Variants in ACYP1 observed in about 807,000 individuals in gnomAD.
ACYP1 encodes acylphosphatase 1, also known as acylphosphatase-1.
In ACYP1, 8 loss-of-function variants were observed where a neutral mutation model predicts 10.4. That is an observed-to-expected ratio of 0.77 (90% CI 0.45 to 1.38). The LOEUF (loss-of-function observed/expected upper bound fraction) is 1.38. Among genes scored for constraint, ACYP1 ranks in the 40% most tolerant of loss-of-function variants. ACYP1 has a pLI of 0.00. For missense variants in ACYP1, 93 were observed against 117.3 expected, an observed-to-expected ratio of 0.79 and a Z score of 0.96; for synonymous variants, 38 against 40.8, an observed-to-expected ratio of 0.93 and a Z score of 0.26.
chr14:75,057,129 C>G (rs947548172), intron 2 of ACYP1, among the ~76,000 whole-genome samples: 1 of 151,548 alleles, frequency 6.6e-6, no homozygotes, highest in Non-Finnish European at 1.5e-5. Context: ...CAGGCACACA[C>G]TAGAGCTAAT....
intron 2 of ACYP1, chr14:75,061,757 C>A: frequency 6.3e-7 from 1 of 1,579,118 alleles, no homozygotes; most frequent in South Asian, 1.1e-5. Context: ...TTTCAACAGT[C>A]ATTTCCTATT....
At position 75,053,318 on chromosome 14, in the gene ACYP1, C is replaced by T; in HGVS notation, c.*126G>A. 1.2e-6 allele frequency: 1 copy of T among 824,182 alleles called. No homozygotes were observed. The highest frequency in any genetic ancestry group is 1.7e-5 in the South Asian group (1 of 60,378). The allele number at this position is 824,182 out of a possible 1,614,324, so 51.1% of individuals were successfully genotyped here. A position where few individuals can be genotyped will look rare whatever the true frequency, so the allele number is the denominator to read the frequency against. ...CCATCATACAGGTAATATATAATAA[C>T]ATTCAAAAATCTGACATTAAAATAA... On this transcript the variant is annotated 3_prime_UTR_variant, in exon 3 of 3. Transcript: ENST00000238618.
chr14:75,064,731 C>A (rs562271950), upstream of ACYP1, among the ~76,000 whole-genome samples: 1 of 152,178 alleles, frequency 6.6e-6, no homozygotes, highest in Non-Finnish European at 1.5e-5. Context: ...GAGACTCTGA[C>A]TCAAATAAAT....
chr14:75,057,402 A>ATTGT (rs1343252965), intron 2 of ACYP1, among the ~76,000 whole-genome samples: 1 of 151,552 alleles, frequency 6.6e-6, no homozygotes, highest in Admixed American at 6.6e-5. Context: ...AATACTTAAC[A>ATTGT]TTGTTAAGAT....
At chr14:75,062,659 C>CAAAAAAAAAA (rs534860020) in intron 2 of ACYP1, among the ~76,000 whole-genome samples, 206 of 103,154 alleles carry the variant, frequency 2.0e-3, no homozygotes, top group East Asian at 9.4e-3. Flanking sequence ...ACTAAAAATA[C>CAAAAAAAAAA]AAAAAAAAAA....
At chr14:75,063,666 C>A in intron 1 of ACYP1, 105 bp from the exon 2 acceptor site, 2 of 894,700 alleles carry the variant, frequency 2.2e-6, no homozygotes. Flanking sequence ...TTAACCATTG[C>A]GACCTCTCCC....
chr14:75,064,408 C>A (rs1893107971), upstream of ACYP1: 1 of 152,276 alleles, frequency 6.6e-6, no homozygotes, highest in South Asian at 2.1e-4. Context: ...AAACAGGATC[C>A]CTGTCCTGAG....
intron 2 of ACYP1, among the ~76,000 whole-genome samples, chr14:75,058,389 C>T (rs1892936497): frequency 6.6e-6 from 1 of 151,272 alleles, no homozygotes; most frequent in Non-Finnish European, 1.5e-5. Context: ...GCAGAGGTTG[C>T]AGTGAGCCGA....
At chr14:75,060,196 T>G (rs918469689) in intron 2 of ACYP1, 2 of 648,050 alleles carry the variant, frequency 3.1e-6, no homozygotes, top group Non-Finnish European at 5.5e-6. Context: ...ATTTTTTTAA[T>G]GTGGTTTAGT....
upstream of ACYP1, among the ~76,000 whole-genome samples, chr14:75,066,238 T>C (rs7156328): frequency 0.43 from 65,696 of 152,010 alleles, 15,947 homozygotes; most frequent in East Asian, 0.84. Context: ...AAGAAGAAGC[T>C]ACTGGGGAGG....
At chr14:75,065,152 A>T (rs1442683006), upstream of ACYP1, among the ~76,000 whole-genome samples, 1 of 152,242 alleles carries the variant, frequency 6.6e-6, no homozygotes, top group Non-Finnish European at 1.5e-5. Flanking sequence ...GTTGATGTGT[A>T]AACATTTGAA....
chr14:75,067,065 AT>A (rs1893153756), upstream of ACYP1, among the ~76,000 whole-genome samples: 1 of 152,140 alleles, frequency 6.6e-6, no homozygotes, highest in African/African-American at 2.4e-5. Context: ...CAGTCCTGAA[AT>A]TTGAGTCTGT....
At chr14:75,054,797 A>G (rs1388114847) in intron 2 of ACYP1, among the ~76,000 whole-genome samples, 1 of 151,582 alleles carries the variant, frequency 6.6e-6, no homozygotes, top group Non-Finnish European at 1.5e-5. Flanking sequence ...TAAGGAATGA[A>G]GAAAAATAGA....
At chr14:75,058,838 T>G (rs1892947848) in intron 2 of ACYP1, among the ~76,000 whole-genome samples, 1 of 152,172 alleles carries the variant, frequency 6.6e-6, no homozygotes, top group South Asian at 2.1e-4. Flanking sequence ...CTACCTCACA[T>G]CACATAAAAA....
At position 75,053,487 on chromosome 14, in the gene ACYP1, A is replaced by C; in HGVS notation, c.257T>G (p.Val86Gly). 6.2e-7 allele frequency: 1 copy of C among 1,614,216 alleles called. No homozygotes were observed. The highest frequency in any genetic ancestry group is 8.5e-7 in the Non-Finnish European group (1 of 1,180,038). Residue 86 changes from valine to glycine, a missense_variant, in exon 3 of 3, where the codon GTC becomes GGC. By Grantham distance (109) the Val-to-Gly change is moderately radical. Coordinates refer to ENST00000238618, the MANE Select transcript of ACYP1 (RefSeq NM_001107.5). ...GTCTGAGTAATCCAACTTCAAGATG[A>C]CTTTTTCATTGTTGAAGTTTGCTTT... ...IDKANFNNEK[V>G]ILKLDYSDFQ...
At chr14:75,060,285 A>G (rs1892985014) in intron 2 of ACYP1, 2 of 688,126 alleles carry the variant, frequency 2.9e-6, no homozygotes, top group African/African-American at 1.8e-5. Context: ...AAACAACCAC[A>G]ATGAAATATT....
upstream of ACYP1, among the ~76,000 whole-genome samples, chr14:75,064,866 G>C (rs1594797625): frequency 6.6e-6 from 1 of 152,144 alleles, no homozygotes; most frequent in South Asian, 2.1e-4. Flanking sequence ...GGGGATTACG[G>C]GGCATAAGTG....
intron 2 of ACYP1, among the ~76,000 whole-genome samples, chr14:75,060,634 A>G (rs1392759277): frequency 6.6e-6 from 1 of 152,236 alleles, no homozygotes; most frequent in African/African-American, 2.4e-5. Context: ...TATCCATACA[A>G]TGGAATATTA....
intron 2 of ACYP1, among the ~76,000 whole-genome samples, chr14:75,060,751 G>C (rs1218508124): frequency 6.6e-6 from 1 of 152,256 alleles, no homozygotes; most frequent in East Asian, 1.9e-4. Context: ...GGCCACATTT[G>C]TATGATTCCA....
Sources: gnomAD v4.1 joint callset for allele counts (sites outside exome capture counted in the v4.1 genomes callset) on GRCh38, gnomAD v4.1.1 for gene constraint, MANE v1.5 for transcripts, NCBI Gene and HGNC (gene_info 2026-07-23, HGNC 2026-07-21) for gene names.